The following TEX29 variants were observed in gnomAD, a reference collection of about 807,000 sequenced individuals.
The protein encoded by TEX29 is testis expressed 29, also known as testis-expressed protein 29.
TEX29 carries 26 observed loss-of-function variants against 18.2 expected under a neutral mutation model. The observed-to-expected ratio is 1.43, with a 90% confidence interval of 1.04 to 1.98. The LOEUF (loss-of-function observed/expected upper bound fraction) is 1.98. Among genes scored for constraint, TEX29 ranks in the 30% most tolerant of loss-of-function variants. The pLI, the probability that TEX29 is intolerant of heterozygous loss-of-function variation, is 0.00. For missense variants in TEX29, 177 were observed against 194.2 expected (o/e 0.91, Z 0.53); for synonymous variants, 83 against 78.5 (o/e 1.06, Z -0.31).
upstream of TEX29, among the ~76,000 whole-genome samples, chr13:111,316,677 C>T (rs2093655179): frequency 6.6e-6 from 1 of 152,234 alleles, no homozygotes; most frequent in South Asian, 2.1e-4. Flanking sequence ...CCTCGCTTTT[C>T]CCTTTTCCAA....
At chr13:111,331,960 G>A (rs780718692) in intron 3 of TEX29, among the ~76,000 whole-genome samples, 1 of 152,184 alleles carries the variant, frequency 6.6e-6, no homozygotes, top group Non-Finnish European at 1.5e-5. Context: ...TAGCTTTGCA[G>A]TAAATTTTGA....
chr13:111,343,959 G>A, intron 5 of TEX29, 124 bp from the exon 6 acceptor site: 1 of 782,730 alleles, frequency 1.3e-6, no homozygotes, highest in Non-Finnish European at 2.2e-6. Context: ...CCCCAAAACT[G>A]GCTTTTGAAT....
chr13:111,331,141 G>A (rs2093682089), intron 3 of TEX29, among the ~76,000 whole-genome samples: 1 of 152,272 alleles, frequency 6.6e-6, no homozygotes, highest in East Asian at 1.9e-4. Context: ...TTGCAAGGTG[G>A]CTAGATCATT....
rs1780733269 is a variant in TEX29 at position 111,320,687 on chromosome 13, A to G, written c.-110A>G. The stretch of plus-strand genomic sequence containing the variant: ...GGGTGGCCAGTTTGTTGTTTTACCT[A>G]AAAGGTGTTTTCCACGTGGAGTGGG... On this transcript the variant is annotated 5_prime_UTR_variant, in exon 1 of 6. Coordinates refer to ENST00000283547, the MANE Select transcript of TEX29 (RefSeq NM_152324.3). The G allele has an allele frequency of 6.3e-6, 4 of 635,210 alleles. No homozygotes were observed. The highest frequency in any genetic ancestry group is 1.1e-5 in the Non-Finnish European group (4 of 351,528). 39.3% of individuals were successfully genotyped at this position (635,210 alleles called of 1,614,324 possible). A position where few individuals can be genotyped will look rare whatever the true frequency, so the allele number is the denominator to read the frequency against.
At chr13:111,343,951 C>G in intron 5 of TEX29, 132 bp from the exon 6 acceptor site, 1 of 749,970 alleles carries the variant, frequency 1.3e-6, no homozygotes, top group African/African-American at 1.7e-5. Flanking sequence ...ACGGCCATCC[C>G]CAAAACTGGC....
intron 2 of TEX29, 42 bp downstream of exon 2, chr13:111,320,990 G>GGGGGGGGGGGGGGGGGGGGGGGGGGCCC: frequency 2.5e-6 from 1 of 404,332 alleles, no homozygotes; most frequent in East Asian, 7.3e-5. Context: ...GGGTGGGGGA[G>GGGGGGGGGGGGGGGGGGGGGGGGGGCCC]CAGTTGGGGG....
At chr13:111,333,691 T>C (rs1162638566) in intron 3 of TEX29, among the ~76,000 whole-genome samples, 4 of 152,252 alleles carry the variant, frequency 2.6e-5, no homozygotes, top group African/African-American at 9.6e-5. Flanking sequence ...CTCACAGTTC[T>C]GCATGGCTAG....
chr13:111,319,233 TA>T (rs1157675151), upstream of TEX29, among the ~76,000 whole-genome samples: 1 of 152,102 alleles, frequency 6.6e-6, no homozygotes, highest in Admixed American at 6.5e-5. Flanking sequence ...ATACCAAGGA[TA>T]AGTGAAAATC....
At chr13:111,321,262 A>G (rs952408947) in intron 2 of TEX29, among the ~76,000 whole-genome samples, 4 of 152,246 alleles carry the variant, frequency 2.6e-5, no homozygotes, top group Admixed American at 2.6e-4. Flanking sequence ...CACTTCAACT[A>G]CTTCATAACT....
In TEX29 at chr13:111,344,117, G is replaced by A. The variant is rs781551813; in HGVS notation, c.450G>A (p.Glu150=). 4.8e-5 allele frequency: 78 copies of A among 1,613,016 alleles called. No individual in the cohort carries two copies. The highest frequency in any genetic ancestry group is 6.4e-5 in the Non-Finnish European group (76 of 1,179,370). The change falls in exon 6 of 6, where the codon GAG becomes GAA. Residue 150 remains glutamate, a synonymous_variant. Coordinates refer to ENST00000283547, the MANE Select transcript of TEX29 (RefSeq NM_152324.3). ...CAATAACAGAAGCCGAAGAAACTGA[G>A]GACTGACTGAGACGCATGAAGAAGT... ...TGTITEAEET[E]D
intron 3 of TEX29, 147 bp from the exon 4 acceptor site, chr13:111,339,716 C>T (rs7329221): frequency 0.089 from 62,676 of 704,810 alleles, 3,500 homozygotes; most frequent in Middle Eastern, 0.13. Flanking sequence ...CTCCAGGAGA[C>T]GCTGGGGAGG....
intron 3 of TEX29, 66 bp from the exon 4 acceptor site, chr13:111,339,797 T>A: frequency 6.4e-7 from 1 of 1,561,226 alleles, no homozygotes; most frequent in South Asian, 1.1e-5. Context: ...AGGGTTGCCT[T>A]TTCTTCATCT....
chr13:111,339,810 T>C, intron 3 of TEX29, 53 bp from the exon 4 acceptor site: 1 of 1,593,536 alleles, frequency 6.3e-7, no homozygotes, highest in Non-Finnish European at 8.6e-7. Flanking sequence ...CTTCATCTTC[T>C]TCCTTTTCTA....
At chr13:111,332,924 T>C (rs1358154546) in intron 3 of TEX29, among the ~76,000 whole-genome samples, 1 of 152,200 alleles carries the variant, frequency 6.6e-6, no homozygotes, top group African/African-American at 2.4e-5. Context: ...TAAAGAAGCT[T>C]TGCCAGAGAT....
At chr13:111,326,098 A>G (rs2093672456) in intron 2 of TEX29, among the ~76,000 whole-genome samples, 1 of 151,744 alleles carries the variant, frequency 6.6e-6, no homozygotes, top group Admixed American at 6.6e-5. Context: ...GCTGCGTCCA[A>G]GCTGGTGGGA....
At chr13:111,339,246 C>T (rs747975263) in intron 3 of TEX29, 2 of 455,232 alleles carry the variant, frequency 4.4e-6, no homozygotes, top group South Asian at 1.5e-5. Flanking sequence ...CAAGGAAGCC[C>T]AGTCAAGGAT....
At chr13:111,332,098 TTTGA>T (rs1238285884) in intron 3 of TEX29, among the ~76,000 whole-genome samples, 1 of 152,174 alleles carries the variant, frequency 6.6e-6, no homozygotes, top group Non-Finnish European at 1.5e-5. Flanking sequence ...CCTTTGGCAA[TTTGA>T]TTGGGGTTGT....
rs558378688 is a variant in TEX29 at position 111,322,543 on chromosome 13, C to T, written c.58+1595C>T. ...GCTGCTGGAGGCTGGTGCCACTTCT[C>T]AGGGTGCATGGGACTGGTGGGGGTC... On this transcript the variant is annotated intron_variant, in intron 2 of 5. Transcript: ENST00000283547. Among the ~76,000 whole-genome samples, 9 of 152,268 alleles carry T rather than the reference C, an allele frequency of 5.9e-5. No individual in the cohort carries two copies. In the South Asian group the frequency reaches 1.9e-3, roughly 32 times the overall value.
At chr13:111,340,051 G>C in intron 4 of TEX29, 119 bp downstream of exon 4, 1 of 892,704 alleles carries the variant, frequency 1.1e-6, no homozygotes, top group Non-Finnish European at 1.8e-6. Flanking sequence ...ACTGAGAACA[G>C]CTCTCCGTGA....
Sources: allele counts gnomAD v4.1 joint callset (sites outside exome capture counted in the v4.1 genomes callset), GRCh38; gene constraint gnomAD v4.1.1; transcripts MANE v1.5; gene names NCBI Gene and HGNC (gene_info 2026-07-23, HGNC 2026-07-21).